Variants in DLG2 observed in about 807,000 individuals in gnomAD.
The protein encoded by DLG2 is disks large homolog 2.
DLG2 carries 45 observed loss-of-function variants against 132.5 expected under a neutral mutation model. The observed-to-expected ratio is 0.34, with a 90% CI of 0.27 to 0.44. The LOEUF (loss-of-function observed/expected upper bound fraction) is 0.44. DLG2 is among the 20% of genes least tolerant of loss of function. The probability of loss-of-function intolerance (pLI) is 1.00; values close to 1 mark genes in which losing one functional copy is unlikely to be tolerated. For synonymous variants in DLG2, 424 were observed against 419.6 expected, an observed-to-expected ratio of 1.01 and a Z score of -0.13; for missense variants, 1,045 against 1,196.9, an observed-to-expected ratio of 0.87 and a Z score of 1.87.
intron 6 of DLG2, among the ~76,000 whole-genome samples, chr11:84,898,608 G>A (rs1461980323): frequency 6.6e-6 from 1 of 151,884 alleles, no homozygotes; most frequent in South Asian, 2.1e-4. Context: ...TCTGGAAAAT[G>A]TGCCACAATT....
At chr11:84,194,871 C>T (rs369440721) in intron 8 of DLG2, among the ~76,000 whole-genome samples, 4 of 152,312 alleles carry the variant, frequency 2.6e-5, no homozygotes, top group South Asian at 2.1e-4. Flanking sequence ...GGGCCGGCGG[C>T]GCTGGCCAGC....
chr11:85,107,697 A>G (rs141309180), intron 6 of DLG2, among the ~76,000 whole-genome samples: 102 of 152,120 alleles, frequency 6.7e-4, no homozygotes, highest in African/African-American at 2.4e-3. Context: ...TGAGGCATAT[A>G]ATCAATTTAA....
chr11:84,018,281 G>C (rs2095279636), intron 11 of DLG2, among the ~76,000 whole-genome samples: 1 of 151,646 alleles, frequency 6.6e-6, no homozygotes, highest in Non-Finnish European at 1.5e-5. Context: ...AAATTCATTA[G>C]TTCAAAATAA....
intron 9 of DLG2, among the ~76,000 whole-genome samples, chr11:84,139,607 TC>T (rs1229646074): frequency 1.3e-5 from 2 of 152,092 alleles, no homozygotes; most frequent in Non-Finnish European, 2.9e-5. Context: ...GTCACAGGAA[TC>T]CTTGGAGGTA....
intron 6 of DLG2, among the ~76,000 whole-genome samples, chr11:84,745,755 T>C (rs912013494): frequency 6.6e-6 from 1 of 152,212 alleles, no homozygotes; most frequent in Non-Finnish European, 1.5e-5. Context: ...TAAGATCAAA[T>C]ATTTATCAAT....
At chr11:84,278,855 T>G (rs531381079) in intron 7 of DLG2, among the ~76,000 whole-genome samples, 35 of 152,180 alleles carry the variant, frequency 2.3e-4, no homozygotes, top group Non-Finnish European at 4.1e-4. Context: ...GGGGTACATG[T>G]GCAGAACATG....
At chr11:85,512,266 C>T (rs1259191376) in intron 3 of DLG2, among the ~76,000 whole-genome samples, 1 of 152,026 alleles carries the variant, frequency 6.6e-6, no homozygotes, top group East Asian at 1.9e-4. Flanking sequence ...CTTGGCCACA[C>T]TACTAAGGGG....
At chr11:84,364,465 G>A (rs1177867811) in intron 7 of DLG2, among the ~76,000 whole-genome samples, 15 of 152,078 alleles carry the variant, frequency 9.9e-5, no homozygotes, top group Non-Finnish European at 1.6e-4. Flanking sequence ...AACAGGGACA[G>A]TTTGACTTCC....
At chr11:84,558,861 G>C (rs1472624864) in intron 6 of DLG2, among the ~76,000 whole-genome samples, 1 of 152,062 alleles carries the variant, frequency 6.6e-6, no homozygotes, top group Non-Finnish European at 1.5e-5. Context: ...TTGAGTCTCA[G>C]CTTCAAGAGT....
At chr11:84,314,625 G>C (rs2098335808) in intron 7 of DLG2, among the ~76,000 whole-genome samples, 1 of 151,956 alleles carries the variant, frequency 6.6e-6, no homozygotes, top group African/African-American at 2.4e-5. Flanking sequence ...ATAGAATGCA[G>C]CATTCTTTGG....
intron 9 of DLG2, among the ~76,000 whole-genome samples, chr11:84,106,869 G>GAGAGAC (rs2092968045): frequency 7.7e-5 from 1 of 13,016 alleles, no homozygotes; most frequent in Non-Finnish European, 2.2e-4. Flanking sequence ...GTGTATGTGT[G>GAGAGAC]AGAGAGAGAG....
At chr11:85,104,757 A>G (rs1233939036) in intron 6 of DLG2, among the ~76,000 whole-genome samples, 2 of 151,704 alleles carry the variant, frequency 1.3e-5, no homozygotes, top group East Asian at 1.9e-4. Flanking sequence ...GAAAAACAAA[A>G]AAACTGATGG....
At chr11:84,773,023 A>T (rs2069697130) in intron 6 of DLG2, among the ~76,000 whole-genome samples, 1 of 152,164 alleles carries the variant, frequency 6.6e-6, no homozygotes, top group Admixed American at 6.6e-5. Flanking sequence ...GAAGGGATAA[A>T]TAAGATCAAT....
chr11:83,783,266 G>T (rs2094910347), intron 18 of DLG2, among the ~76,000 whole-genome samples: 1 of 152,188 alleles, frequency 6.6e-6, no homozygotes, highest in South Asian at 2.1e-4. Context: ...TGGACAACTG[G>T]AGACAAGCTC....
At chr11:85,405,344 T>C (rs1030198181) in intron 3 of DLG2, among the ~76,000 whole-genome samples, 7 of 151,972 alleles carry the variant, frequency 4.6e-5, no homozygotes, top group Admixed American at 2.6e-4. Flanking sequence ...CAAGAAGTCC[T>C]TACGCATAAG....
At chr11:84,642,027 CACACACAT>C (rs2099667328) in intron 6 of DLG2, among the ~76,000 whole-genome samples, 1 of 142,046 alleles carries the variant, frequency 7.0e-6, no homozygotes, top group East Asian at 2.1e-4. Flanking sequence ...TATACACACA[CACACACAT>C]GCATACGTAT....
intron 20 of DLG2, among the ~76,000 whole-genome samples, chr11:83,534,930 G>A (rs141374880): frequency 0.016 from 2,473 of 152,286 alleles, 40 homozygotes; most frequent in Middle Eastern, 0.058. Context: ...GTGACACAGC[G>A]AGACTTCGTC....
intron 4 of DLG2, among the ~76,000 whole-genome samples, chr11:85,259,629 G>T (rs1051240376): frequency 2.2e-4 from 33 of 151,628 alleles, no homozygotes; most frequent in Admixed American, 7.2e-4. Context: ...TTAGGTCCCA[G>T]CTCTTCTGCT....
At chr11:84,057,424 T>C (rs2096523512) in intron 11 of DLG2, among the ~76,000 whole-genome samples, 1 of 152,186 alleles carries the variant, frequency 6.6e-6, no homozygotes, top group South Asian at 2.1e-4. Context: ...ATAGAAATAA[T>C]GGGTATGGCC....
Sources: allele counts gnomAD v4.1 joint callset (sites outside exome capture counted in the v4.1 genomes callset), GRCh38; gene constraint gnomAD v4.1.1; transcripts MANE v1.5; gene names NCBI Gene and HGNC (gene_info 2026-07-23, HGNC 2026-07-21).